NRG1: variants seen among roughly 807,000 people sequenced by gnomAD.
NRG1 encodes pro-neuregulin-1, membrane-bound isoform.
In NRG1, 18 loss-of-function variants were observed where a neutral mutation model predicts 63.8. The ratio of observed to expected loss-of-function variants is 0.28; its 90% CI spans 0.19 to 0.42. The LOEUF is 0.42. Ranked by LOEUF, NRG1 falls within the 10% of genes least tolerant of loss-of-function variation. The pLI, the probability that NRG1 is intolerant of heterozygous loss-of-function variation, is 1.00. For synonymous variants in NRG1, 302 were observed against 301.3 expected, an observed-to-expected ratio of 1.00 and a Z score of -0.02; for missense variants, 762 against 814.7, an observed-to-expected ratio of 0.94 and a Z score of 0.79.
At chr8:31,946,907 T>C (rs1315157331) in intron 1 of NRG1, among the ~76,000 whole-genome samples, 2 of 152,250 alleles carry the variant, frequency 1.3e-5, no homozygotes, top group East Asian at 3.8e-4. Context: ...GGTTCCTCCA[T>C]GCCATATTGT....
chr8:32,607,665 C>T (rs1176323446), intron 3 of NRG1, among the ~76,000 whole-genome samples: 3 of 151,986 alleles, frequency 2.0e-5, no homozygotes, highest in African/African-American at 7.2e-5. Flanking sequence ...TTCATTTTTT[C>T]CACATTAATT....
chr8:32,542,865 A>G (rs1291496210), intron 1 of NRG1, among the ~76,000 whole-genome samples: 1 of 152,244 alleles, frequency 6.6e-6, no homozygotes, highest in African/African-American at 2.4e-5. Context: ...AAAACAAAAA[A>G]GGATGAAGAC....
At chr8:32,282,104 G>C (rs2129473361) in intron 1 of NRG1, among the ~76,000 whole-genome samples, 1 of 152,238 alleles carries the variant, frequency 6.6e-6, no homozygotes, top group East Asian at 1.9e-4. Context: ...GGAGATCAAG[G>C]GTATAGGAAT....
chr8:32,484,870 A>G (rs1039650722), intron 1 of NRG1, among the ~76,000 whole-genome samples: 2 of 152,236 alleles, frequency 1.3e-5, no homozygotes, highest in African/African-American at 4.8e-5. Context: ...CTGTAAAAAG[A>G]GCCTGGAAAT....
At chr8:32,006,727 G>A (rs1368139950) in intron 1 of NRG1, among the ~76,000 whole-genome samples, 1 of 151,984 alleles carries the variant, frequency 6.6e-6, no homozygotes, top group Non-Finnish European at 1.5e-5. Context: ...GAGCCACAAA[G>A]AACTGGATTC....
chr8:31,910,998 T>A (rs776393), intron 1 of NRG1, among the ~76,000 whole-genome samples: 29,610 of 152,050 alleles, frequency 0.19, 4,054 homozygotes, highest in African/African-American at 0.38. Flanking sequence ...ATTTCTGACA[T>A]TCCGATTTGT....
At chr8:32,345,638 T>A (rs746371306) in intron 1 of NRG1, among the ~76,000 whole-genome samples, 1 of 152,164 alleles carries the variant, frequency 6.6e-6, no homozygotes, top group South Asian at 2.1e-4. Flanking sequence ...ACATTTGAAG[T>A]AGGATTAAAT....
intron 5 of NRG1, among the ~76,000 whole-genome samples, chr8:32,675,274 A>T (rs75660047): frequency 0.024 from 3,649 of 152,280 alleles, 47 homozygotes; most frequent in Non-Finnish European, 0.037. Flanking sequence ...TTTGGTTTGC[A>T]CTGACGAAGA....
chr8:32,396,062 A>G (rs1259197300), intron 1 of NRG1, among the ~76,000 whole-genome samples: 4 of 152,158 alleles, frequency 2.6e-5, no homozygotes, highest in Non-Finnish European at 5.9e-5. Flanking sequence ...TGGTATCTCT[A>G]TTCTGTTCTA....
intron 1 of NRG1, among the ~76,000 whole-genome samples, chr8:32,055,728 G>A (rs894146753): frequency 9.2e-5 from 5 of 54,180 alleles, no homozygotes; most frequent in African/African-American, 3.1e-4. Context: ...TTAAAATAAC[G>A]TCTTTCTTAT....
chr8:31,903,175 A>C (rs1563546357), intron 1 of NRG1, among the ~76,000 whole-genome samples: 2 of 133,326 alleles, frequency 1.5e-5, no homozygotes, highest in Non-Finnish European at 3.1e-5. Flanking sequence ...TTGAGATGGA[A>C]TCTCACTCTG....
chr8:32,567,844 T>C (rs1255100674), intron 1 of NRG1, among the ~76,000 whole-genome samples: 3 of 152,160 alleles, frequency 2.0e-5, no homozygotes, highest in African/African-American at 7.2e-5. Flanking sequence ...GAAGAAATTG[T>C]TTTTCCACTT....
chr8:31,873,574 C>CAA (rs1241471359), intron 1 of NRG1, among the ~76,000 whole-genome samples: 1 of 152,000 alleles, frequency 6.6e-6, no homozygotes, highest in African/African-American at 2.4e-5. Context: ...CAAAACAAAA[C>CAA]AAAACAAAAC....
chr8:32,573,759 G>A lies in NRG1; in HGVS notation c.101-22069G>A, dbSNP rs1015200207. 4.0e-5 allele frequency among the ~76,000 whole-genome samples: 6 copies of A among 151,862 alleles called. No individual in the cohort carries two copies. The East Asian group carries it at 7.8e-4, about 20-fold the overall frequency. Reference sequence around the variant, plus strand: ...GTTGGTGTGCTGCACCCATTAACTCGTCATTTAGCATTAGGTATATCTCCT... The same window carrying A: ...GTTGGTGTGCTGCACCCATTAACTCATCATTTAGCATTAGGTATATCTCCT... On this transcript the variant is annotated intron_variant, in intron 1 of 11. Coordinates refer to ENST00000356819, the Ensembl canonical transcript of NRG1.
At chr8:32,099,068 A>G (rs1362390853) in intron 1 of NRG1, among the ~76,000 whole-genome samples, 1 of 152,234 alleles carries the variant, frequency 6.6e-6, no homozygotes, top group Non-Finnish European at 1.5e-5. Context: ...TAGAGAAAGC[A>G]TGAAAATACG....
intron 1 of NRG1, among the ~76,000 whole-genome samples, chr8:31,716,981 C>A (rs991957077): frequency 6.6e-6 from 1 of 152,204 alleles, no homozygotes; most frequent in African/African-American, 2.4e-5. Context: ...GTAATACTTA[C>A]AGTTCATGGC....
intron 11 of NRG1, 143 bp downstream of exon 11, chr8:32,760,549 G>T (rs746976025): frequency 2.1e-6 from 3 of 1,462,264 alleles, no homozygotes; most frequent in Non-Finnish European, 2.7e-6. Context: ...CCTAGTTGAT[G>T]AAGTCATCTC....
At chr8:32,389,507 C>T (rs759320636) in intron 1 of NRG1, among the ~76,000 whole-genome samples, 10 of 152,170 alleles carry the variant, frequency 6.6e-5, no homozygotes, top group South Asian at 4.2e-4. Flanking sequence ...TTCACTTGTC[C>T]GCTGAAAGAT....
chr8:31,868,789 C>T (rs1829220502), intron 1 of NRG1, among the ~76,000 whole-genome samples: 1 of 152,136 alleles, frequency 6.6e-6, no homozygotes, highest in Non-Finnish European at 1.5e-5. Flanking sequence ...CATAAGGGAT[C>T]CAAGGTTCAG....
Sources: gnomAD v4.1 joint callset for allele counts (sites outside exome capture counted in the v4.1 genomes callset) on GRCh38, gnomAD v4.1.1 for gene constraint, MANE v1.5 for transcripts, NCBI Gene and HGNC (gene_info 2026-07-23, HGNC 2026-07-21) for gene names.